Variants in ITPR2 observed in about 807,000 individuals in gnomAD.
ITPR2 encodes inositol 1,4,5-trisphosphate-gated calcium channel ITPR2.
ITPR2 carries 207 observed loss-of-function variants against 317.1 expected under a neutral mutation model. The ratio of observed to expected loss-of-function variants is 0.65; its 90% CI spans 0.58 to 0.73. ITPR2 has a LOEUF of 0.73. Ranked by LOEUF, ITPR2 falls within the 30% of genes least tolerant of loss-of-function variation. The pLI, the probability that ITPR2 is intolerant of heterozygous loss-of-function variation, is 0.00. For synonymous variants in ITPR2, 1,156 were observed against 1,149.1 expected (o/e 1.01, Z -0.12); for missense variants, 2,613 against 3,284.0 (o/e 0.80, Z 4.99).
At chr12:26,436,114 A>G (rs1268948332) in intron 48 of ITPR2, 107 bp downstream of exon 48, 3 of 1,094,656 alleles carry the variant, frequency 2.7e-6, no homozygotes, top group Non-Finnish European at 3.8e-6. Flanking sequence ...TCCAACAAGT[A>G]TAGAAAAATC....
rs1375868754 is a variant in ITPR2, at chr12:26,673,539, G to A, written c.1410-7488C>T. ...TCAATAAATTAGGTATTGATGGGAC[G>A]TATCTCAAAATAATAAGAGCTATCT... On this transcript the variant is annotated intron_variant, in intron 13 of 56. Coordinates refer to ENST00000381340, the MANE Select transcript of ITPR2 (RefSeq NM_002223.4). Among the ~76,000 whole-genome samples, 502 of 150,956 alleles carry A rather than the reference G, an allele frequency of 3.3e-3. 1 individual carries two copies. Among genetic ancestry groups the A allele is most frequent in the African/African-American group, 0.011 (449 of 41,358 alleles).
In ITPR2 at chr12:26,454,068, C is replaced by G. The variant is rs1195508704; in HGVS notation, c.6343-10418G>C. Among the ~76,000 whole-genome samples the G allele has an allele frequency of 4.6e-5, 7 of 152,014 alleles. No individual in the cohort carries two copies. In the South Asian group the frequency reaches 1.0e-3, roughly 23 times the overall value. ...GACGGATGGATGGATGGATGGCATACAGTATTTTTTGCTTATTTATTAGTT... is the reference window on the plus strand; with the variant it reads ...GACGGATGGATGGATGGATGGCATAGAGTATTTTTTGCTTATTTATTAGTT... On this transcript the variant is annotated intron_variant, in intron 45 of 56. Coordinates refer to ENST00000381340, the MANE Select transcript of ITPR2 (RefSeq NM_002223.4).
chr12:26,648,329 C>T (rs1251351707), intron 21 of ITPR2, among the ~76,000 whole-genome samples: 1 of 152,204 alleles, frequency 6.6e-6, no homozygotes, highest in Non-Finnish European at 1.5e-5. Flanking sequence ...ACCTGCCAAA[C>T]ACATTTTTCT....
chr12:26,730,454 A>C (rs565672960), intron 2 of ITPR2, among the ~76,000 whole-genome samples: 1 of 152,178 alleles, frequency 6.6e-6, no homozygotes, highest in African/African-American at 2.4e-5. Flanking sequence ...TTCTAACAAC[A>C]ATCTCTTCAA....
At chr12:26,428,515 T>C (rs1434353557) in intron 48 of ITPR2, among the ~76,000 whole-genome samples, 2 of 152,184 alleles carry the variant, frequency 1.3e-5, no homozygotes, top group East Asian at 3.8e-4. Flanking sequence ...CAAGTTTCCA[T>C]AGTCTAGATT....
chr12:26,547,457 T>A lies in ITPR2; in HGVS notation c.5073+2790A>T, dbSNP rs182876526. Among the ~76,000 whole-genome samples, 109 of 152,328 alleles carry A rather than the reference T, an allele frequency of 7.2e-4. 1 individual carries two copies. The highest frequency in any genetic ancestry group is 1.2e-3 in the Non-Finnish European group (81 of 68,018). On this transcript the variant is annotated intron_variant, in intron 37 of 56. Coordinates refer to ENST00000381340, the MANE Select transcript of ITPR2 (RefSeq NM_002223.4). The stretch of plus-strand genomic sequence containing the variant: ...GAAACTCAAACCTTACTGGTGGGAA[T>A]GTAAACTAGTAGAGCCACTGTGAAA...
intron 21 of ITPR2, among the ~76,000 whole-genome samples, chr12:26,640,857 T>C (rs1330639613): frequency 6.6e-6 from 1 of 152,206 alleles, no homozygotes; most frequent in Non-Finnish European, 1.5e-5. Flanking sequence ...GAGATACTCA[T>C]ATGAGTAGCT....
chr12:26,624,124 C>T (rs192629362), intron 24 of ITPR2, among the ~76,000 whole-genome samples, 175 bp downstream of exon 24: 89 of 152,268 alleles, frequency 5.8e-4, no homozygotes, highest in Non-Finnish European at 8.7e-4. Context: ...TAAAGAAAAG[C>T]TATGCTTTCT....
At chr12:26,765,939 C>T (rs1256730504) in intron 2 of ITPR2, among the ~76,000 whole-genome samples, 1 of 152,120 alleles carries the variant, frequency 6.6e-6, no homozygotes, top group Non-Finnish European at 1.5e-5. Flanking sequence ...CATAATATTT[C>T]CAAGGCTGAT....
At chr12:26,704,731 G>A (rs898066531) in intron 9 of ITPR2, among the ~76,000 whole-genome samples, 41 of 152,028 alleles carry the variant, frequency 2.7e-4, no homozygotes, top group Non-Finnish European at 1.5e-4. Context: ...TTTAATTCCA[G>A]AATAATACTA....
At chr12:26,507,851 C>CTGTGTG (rs1565568384) in intron 37 of ITPR2, among the ~76,000 whole-genome samples, 1 of 99,774 alleles carries the variant, frequency 1.0e-5, no homozygotes, top group Non-Finnish European at 2.4e-5. Flanking sequence ...CTCTACTCTT[C>CTGTGTG]TCTCTCTGTC....
chr12:26,460,133 G>T (rs1236510869), intron 45 of ITPR2, among the ~76,000 whole-genome samples: 2 of 152,164 alleles, frequency 1.3e-5, no homozygotes, highest in Non-Finnish European at 2.9e-5. Flanking sequence ...CTGCCCCTGG[G>T]ATACAGGCCA....
chr12:26,642,044 G>A (rs1238789205), intron 21 of ITPR2, among the ~76,000 whole-genome samples: 1 of 152,138 alleles, frequency 6.6e-6, no homozygotes, highest in Non-Finnish European at 1.5e-5. Flanking sequence ...ACCAGCCTCA[G>A]GACTTCAAAA....
chr12:26,726,653 C>A (rs1271914831), intron 2 of ITPR2, among the ~76,000 whole-genome samples: 1 of 152,140 alleles, frequency 6.6e-6, no homozygotes, highest in African/African-American at 2.4e-5. Context: ...GAGTCATTCT[C>A]ATTCGACAAA....
intron 55 of ITPR2, among the ~76,000 whole-genome samples, chr12:26,377,683 A>C (rs16930558): frequency 0.025 from 3,845 of 152,330 alleles, 124 homozygotes; most frequent in South Asian, 0.13. Flanking sequence ...AATCATAGAC[A>C]TCGGTCCCAG....
chr12:26,383,348 A>G (rs911409897), intron 55 of ITPR2, among the ~76,000 whole-genome samples: 1 of 152,216 alleles, frequency 6.6e-6, no homozygotes, highest in African/African-American at 2.4e-5. Context: ...ACAGACTAAC[A>G]CAGTGCTTTA....
At chr12:26,824,350 G>T (rs537384968) in intron 1 of ITPR2, among the ~76,000 whole-genome samples, 2 of 152,126 alleles carry the variant, frequency 1.3e-5, no homozygotes, top group East Asian at 3.9e-4. Context: ...TTGTAAATTG[G>T]TTATCATCTG....
At chr12:26,722,945 C>T (rs1215086736) in intron 4 of ITPR2, among the ~76,000 whole-genome samples, 1 of 152,114 alleles carries the variant, frequency 6.6e-6, no homozygotes, top group Admixed American at 6.5e-5. Context: ...GGCCAAGAAA[C>T]TCAAATAATG....
At chr12:26,417,900 T>C (rs2344157) in intron 50 of ITPR2, among the ~76,000 whole-genome samples, 2 of 152,128 alleles carry the variant, frequency 1.3e-5, no homozygotes, top group Non-Finnish European at 2.9e-5. Context: ...GAATATTACA[T>C]GTCAGTCAGG....
Sources: gnomAD v4.1 joint callset for allele counts (sites outside exome capture counted in the v4.1 genomes callset) on GRCh38, gnomAD v4.1.1 for gene constraint, MANE v1.5 for transcripts, NCBI Gene and HGNC (gene_info 2026-07-23, HGNC 2026-07-21) for gene names.